Variants in TSACC observed in about 807,000 individuals in gnomAD.
The protein encoded by TSACC is TSSK6-activating co-chaperone protein.
A neutral mutation model predicts 6.9 loss-of-function variants in TSACC; 3 were observed. The observed-to-expected ratio is 0.43, with a 90% CI of 0.20 to 1.12. The LOEUF is 1.12. Among genes scored for constraint, TSACC ranks in the 50% most tolerant of loss-of-function variants. The pLI is 0.28. For missense variants in TSACC, 137 were observed against 143.9 expected (o/e 0.95, Z 0.24); for synonymous variants, 54 against 55.1 (o/e 0.98, Z 0.09).
chr1:156,338,297 CA>C, upstream of TSACC: 5 of 994,810 alleles, frequency 5.0e-6, no homozygotes. Flanking sequence ...GCTTACACCT[CA>C]ACCCGCTACT....
In TSACC at chr1:156,344,513, G is replaced by A. The variant is rs557908626; in HGVS notation, c.35-67G>A. On this transcript the variant is annotated intron_variant, in intron 2 of 3. Transcript: ENST00000368254. ...GGGCACCTGCTTTCATGGACCAGGT[G>A]CAGGGATCTAATTAGAAAGGCTGTC... 7.0e-6 allele frequency: 11 copies of A among 1,574,584 alleles called. No individual in the cohort carries two copies. In the South Asian group the frequency reaches 1.1e-4, roughly 16 times the overall value.
chr1:156,343,958 T>C (rs1000011592), intron 2 of TSACC, among the ~76,000 whole-genome samples: 3 of 152,154 alleles, frequency 2.0e-5, no homozygotes, highest in Admixed American at 2.0e-4. Context: ...CAGGCTAGTC[T>C]TGAACTCCTG....
upstream of TSACC, chr1:156,337,834 C>T (rs908325982): frequency 6.9e-5 from 30 of 433,104 alleles, no homozygotes; most frequent in Non-Finnish European, 1.2e-4. Context: ...AGCTACATAG[C>T]GACAATCAGG....
rs772146881 is a variant in TSACC at position 156,339,823 on chromosome 1, TA to T, written c.34+37del. ...GTTGGAGGCCCTGCTTCCCCTCCCT[TA>T]AAAAGCAAGACCTCCTTTGCATTCC... On this transcript the variant is annotated intron_variant, in intron 2 of 3. Coordinates refer to ENST00000368254, the MANE Select transcript of TSACC (RefSeq NM_001304817.2). The T allele has an allele frequency of 3.1e-6, 5 of 1,612,722 alleles. No individual in the cohort carries two copies. In the East Asian group the frequency reaches 1.1e-4, roughly 36 times the overall value.
intron 1 of TSACC, among the ~76,000 whole-genome samples, chr1:156,339,346 A>T (rs1263385103): frequency 6.6e-6 from 1 of 151,802 alleles, no homozygotes; most frequent in Non-Finnish European, 1.5e-5. Flanking sequence ...CCTGAGTCTT[A>T]GTTAGAGATG....
At chr1:156,340,147 C>A (rs1169465711) in intron 2 of TSACC, among the ~76,000 whole-genome samples, 1 of 152,168 alleles carries the variant, frequency 6.6e-6, no homozygotes, top group Non-Finnish European at 1.5e-5. Context: ...ACCTACCATT[C>A]CATAGCCTGG....
At position 156,346,776 on chromosome 1, in the gene TSACC, A is replaced by G. The variant is rs1360269626; in HGVS notation, c.172A>G (p.Lys58Glu). The G allele has an allele frequency of 6.2e-7, 1 of 1,614,046 alleles. No individual in the cohort carries two copies. The highest frequency in any genetic ancestry group is 2.2e-5 in the East Asian group (1 of 44,876). Reference protein sequence around the residue: ...QTTKLPSVDHKPKECLGLLEC... With the variant: ...QTTKLPSVDHEPKECLGLLEC... ...TGCTTTTCCTTCTGGAGTTGATCAC[A>G]AGCCCAAGGAATGCCTAGGACTCCT... is the stretch of plus-strand genomic sequence containing the variant. The change falls in exon 4 of 4, where the codon AAG becomes GAG. Residue 58 changes from lysine (K) to glutamate (E), a missense_variant. Physicochemically the swap from Lys to Glu is moderately conservative, Grantham distance 56 (BLOSUM62 1). Transcript: ENST00000368254.
chr1:156,346,791 C>G lies in TSACC; in HGVS notation c.187C>G (p.Leu63Val), dbSNP rs1309713725. Residue 63 changes from leucine to valine, a missense_variant, in exon 4 of 4, where the codon CTA becomes GTA. Physicochemically the swap from Leu to Val is conservative, Grantham distance 32. Coordinates refer to ENST00000368254, the MANE Select transcript of TSACC (RefSeq NM_001304817.2). ...AGTTGATCACAAGCCCAAGGAATGC[C>G]TAGGACTCCTGGAATGTATGTATGC... ...PSVDHKPKEC[L>V]GLLECMYANL... is the part of the protein sequence containing the mutation. 6.2e-7 allele frequency: 1 copy of G among 1,614,138 alleles called. No homozygotes were observed. Among genetic ancestry groups the G allele is most frequent in the South Asian group, 1.1e-5 (1 of 91,078 alleles).
chr1:156,339,817 C>G (rs1365695348), intron 2 of TSACC, 26 bp downstream of exon 2: 6 of 1,612,736 alleles, frequency 3.7e-6, no homozygotes, highest in Non-Finnish European at 5.1e-6. Context: ...CCTGCTTCCC[C>G]TCCCTTAAAA....
intron 3 of TSACC, among the ~76,000 whole-genome samples, chr1:156,345,465 A>G (rs1209963732): frequency 6.6e-6 from 1 of 152,068 alleles, no homozygotes; most frequent in Non-Finnish European, 1.5e-5. Flanking sequence ...TAGGAGGCCG[A>G]GGCAGGAGAA....
At chr1:156,337,951 GAAT>G (rs1374846178), upstream of TSACC, among the ~76,000 whole-genome samples, 1 of 152,166 alleles carries the variant, frequency 6.6e-6, no homozygotes, top group Non-Finnish European at 1.5e-5. Context: ...GGCTCGGCGA[GAAT>G]AAGGCCAGTT....
intron 3 of TSACC, among the ~76,000 whole-genome samples, chr1:156,345,767 C>CT (rs1477771205): frequency 6.7e-6 from 1 of 150,362 alleles, no homozygotes; most frequent in African/African-American, 2.5e-5. Flanking sequence ...ACTTGGGAGA[C>CT]TGAGGCAGGA....
At chr1:156,338,083 G>C, upstream of TSACC, 3 of 1,518,470 alleles carry the variant, frequency 2.0e-6, no homozygotes, top group Non-Finnish European at 2.7e-6. Context: ...GACGGAGCTG[G>C]GGCAACACTG....
At chr1:156,339,589 A>G (rs1570948914) in intron 1 of TSACC, 45 bp from the exon 2 acceptor site, 2 of 716,816 alleles carry the variant, frequency 2.8e-6, no homozygotes, top group East Asian at 2.8e-5. Flanking sequence ...AAGAACAGTC[A>G]CCTGTTTGGC....
chr1:156,338,537 A>G lies in TSACC; in HGVS notation c.-193A>G. 2.2e-6 allele frequency: 1 copy of G among 460,202 alleles called. No individual in the cohort carries two copies. Among genetic ancestry groups the G allele is most frequent in the Non-Finnish European group, 4.0e-6 (1 of 252,110 alleles). The allele number at this position is 460,202 out of a possible 1,614,324, so 28.5% of individuals were successfully genotyped here. On this transcript the variant is annotated 5_prime_UTR_variant, in exon 1 of 4. Coordinates refer to ENST00000368254, the MANE Select transcript of TSACC (RefSeq NM_001304817.2). ...GCCAAGGCTCTGGCAGTTGGCCAGC[A>G]CACCACTACGCATGTGTGTCAACTC...
chr1:156,338,176 G>A (rs1384032956), upstream of TSACC: 1 of 1,588,542 alleles, frequency 6.3e-7, no homozygotes, highest in African/African-American at 1.3e-5. Context: ...CTGGACGATG[G>A]CCCATCATGG....
intron 2 of TSACC, among the ~76,000 whole-genome samples, chr1:156,341,614 C>T (rs1325736163): frequency 6.6e-6 from 1 of 152,182 alleles, no homozygotes; most frequent in Non-Finnish European, 1.5e-5. Context: ...TCTCTCCACC[C>T]TCATCCTCTG....
chr1:156,346,874 A>G lies in TSACC; in HGVS notation c.270A>G (p.Leu90=). ...AACAGATGGCTGTTTTGGAACATTT[A>G]CAGGCATCTGTGACACAACTGGCTC... The part of the protein sequence containing the change: ...AQQQMAVLEH[L]QASVTQLAPG... Residue 90 remains leucine, a synonymous_variant, in exon 4 of 4, where the codon TTA becomes TTG. Coordinates refer to ENST00000368254, the MANE Select transcript of TSACC (RefSeq NM_001304817.2). The G allele has an allele frequency of 6.2e-7, 1 of 1,614,186 alleles. No homozygotes were observed. The highest frequency in any genetic ancestry group is 8.5e-7 in the Non-Finnish European group (1 of 1,180,020).
chr1:156,340,606 C>T lies in TSACC; in HGVS notation c.34+815C>T, dbSNP rs147051422. Reference sequence around the variant, plus strand: ...CTTCCCGAGTAGCTGGGATTGCAGGCGTGCACCCCCACGCCCAGCTAATTT... The same window carrying T: ...CTTCCCGAGTAGCTGGGATTGCAGGTGTGCACCCCCACGCCCAGCTAATTT... On this transcript the variant is annotated intron_variant, in intron 2 of 3. Transcript: ENST00000368254. 1.7e-3 allele frequency among the ~76,000 whole-genome samples: 263 copies of T among 152,052 alleles called. 3 individuals carry two copies. In the East Asian group the frequency reaches 0.041, roughly 24 times the overall value.
Sources: allele counts gnomAD v4.1 joint callset (sites outside exome capture counted in the v4.1 genomes callset), GRCh38; gene constraint gnomAD v4.1.1; transcripts MANE v1.5; gene names NCBI Gene and HGNC (gene_info 2026-07-23, HGNC 2026-07-21).